The following EPRS1 variants were observed in gnomAD, a reference collection of about 807,000 sequenced individuals.
EPRS1 encodes bifunctional glutamate/proline--tRNA ligase.
In EPRS1, 107 loss-of-function variants were observed where a neutral mutation model predicts 188.3. That is an observed-to-expected ratio of 0.57 (90% confidence interval 0.49 to 0.67). EPRS1 has a LOEUF of 0.67. EPRS1 is among the 30% of genes least tolerant of loss of function. The pLI, the probability that EPRS1 is intolerant of heterozygous loss-of-function variation, is 0.00. For missense variants in EPRS1, 1,577 were observed against 1,802.2 expected (o/e 0.88, Z 2.26); for synonymous variants, 596 against 593.1 (o/e 1.00, Z -0.07).
At chr1:220,033,873 T>C (rs1662129232) in intron 3 of EPRS1, among the ~76,000 whole-genome samples, 1 of 104,162 alleles carries the variant, frequency 9.6e-6, no homozygotes, top group South Asian at 3.9e-4. Flanking sequence ...TTTGCTATGC[T>C]TTCTGCTTTT....
At position 220,030,430 on chromosome 1, in the gene EPRS1, C is replaced by T. The variant is rs754799431; in HGVS notation, c.579G>A (p.Ala193=). 51 of 1,613,988 alleles carry T rather than the reference C, an allele frequency of 3.2e-5. 1 individual carries two copies. Among genetic ancestry groups the T allele is most frequent in the Middle Eastern group, 3.3e-4 (2 of 6,084 alleles). Residue 193 remains alanine, a synonymous_variant, in exon 6 of 32, where the codon GCG becomes GCA. Coordinates refer to ENST00000366923, the MANE Select transcript of EPRS1 (RefSeq NM_004446.3). ...DVGKFVELPG[A]EMGKVTVRFP... ...ATCTGACGGTAACCTTTCCCATCTC[C>T]GCACCTGGAAGCTCAACAAATTTCC...
chr1:220,018,644 A>G, intron 11 of EPRS1, 136 bp from the exon 12 acceptor site: 3 of 674,028 alleles, frequency 4.5e-6, no homozygotes, highest in African/African-American at 1.8e-5. Context: ...GTGAAATATA[A>G]AACTCAGTGT....
At chr1:220,011,853 A>G (rs1220014721) in intron 12 of EPRS1, among the ~76,000 whole-genome samples, 1 of 152,238 alleles carries the variant, frequency 6.6e-6, no homozygotes, top group African/African-American at 2.4e-5. Flanking sequence ...ATGTTTAGAC[A>G]CTATATATAA....
In EPRS1 at chr1:220,020,165, G is replaced by C. The variant is rs1183352139; in HGVS notation, c.1172C>G (p.Thr391Arg). ...GTATTCTGTTGTTCTCAGGGCATGT[G>C]TAACACCTTCGATGCTGTCAACTAT... ...CPIVDSIEGVTHALRTTEYHD... is the reference protein window; with the variant it reads ...CPIVDSIEGVRHALRTTEYHD... Residue 391 changes from threonine (T) to arginine (R), a missense_variant, in exon 10 of 32, where the codon ACA becomes AGA. Transcript: ENST00000366923. The C allele has an allele frequency of 6.2e-7, 1 of 1,614,026 alleles. No homozygotes were observed. Among genetic ancestry groups the C allele is most frequent in the Non-Finnish European group, 8.5e-7 (1 of 1,179,962 alleles).
Position 219,983,221 on chromosome 1 carries a change from C to G in EPRS1, c.3268G>C (p.Glu1090Gln). The part of the protein sequence containing the change: ...MFVSQSALEK[E>Q]KTHVADFAPE... ...GCAAAGTCAGCAACATGAGTCTTCT[C>G]TTTCTCTAATGCACTTTGAGACACA... Residue 1090 changes from glutamate (E) to glutamine (Q), a missense_variant, in exon 22 of 32, where the codon GAG (glutamate) becomes CAG (glutamine). Transcript: ENST00000366923. The G allele has an allele frequency of 6.2e-7, 1 of 1,614,094 alleles. No homozygotes were observed. Among genetic ancestry groups the G allele is most frequent in the Non-Finnish European group, 8.5e-7 (1 of 1,179,946 alleles).
rs752020139 is a variant in EPRS1, at chr1:219,978,585, A to C, written c.4044T>G (p.Asn1348Lys). 6.3e-6 allele frequency: 10 copies of C among 1,593,494 alleles called. No homozygotes were observed. Among genetic ancestry groups the C allele is most frequent in the Non-Finnish European group, 8.6e-6 (10 of 1,168,338 alleles). Residue 1348 changes from asparagine (N) to lysine (K), a missense_variant, in exon 28 of 32, where the codon AAT becomes AAG. By Grantham distance (94) the Asn-to-Lys change is moderately conservative. Coordinates refer to ENST00000366923, the MANE Select transcript of EPRS1 (RefSeq NM_004446.3). ...NIRVRADLRD[N>K]YSPGWKFNHW... Reference sequence around the variant, plus strand: ...GATTGAATTTCCAACCTGGAGAATAATTATCTCGTAAATCAGCTCTAACGC... The same window carrying C: ...GATTGAATTTCCAACCTGGAGAATACTTATCTCGTAAATCAGCTCTAACGC...
Position 219,984,260 on chromosome 1 carries a change from G to A in EPRS1, c.3039-3C>T, listed in dbSNP as rs568513704. 7 of 1,609,804 alleles carry A rather than the reference G, an allele frequency of 4.3e-6. No individual in the cohort carries two copies. The African/African-American group carries it at 6.7e-5, about 15-fold the overall frequency. ...CTTTTTTTGCCTCAAGACCCAACCT[G>A]CAGATGTGAAAAGTAAAAGATAAAT... is the stretch of plus-strand genomic sequence containing the variant. On this transcript the variant is annotated splice_region_variant and splice_polypyrimidine_tract_variant and intron_variant, in intron 20 of 31. Transcript: ENST00000366923.
intron 19 of EPRS1, among the ~76,000 whole-genome samples, chr1:219,987,641 CA>C (rs1661031313): frequency 7.1e-6 from 1 of 141,580 alleles, no homozygotes; most frequent in Non-Finnish European, 1.5e-5. Context: ...AGTAGATCTG[CA>C]AACACAATTA....
At chr1:219,989,195 T>G (rs1661071581) in intron 18 of EPRS1, among the ~76,000 whole-genome samples, 1 of 152,032 alleles carries the variant, frequency 6.6e-6, no homozygotes. Context: ...CAAACCTTAC[T>G]TTCCACAGCT....
At chr1:219,969,159 CT>C in intron 30 of EPRS1, 37 bp from the exon 31 acceptor site, 1 of 1,352,534 alleles carries the variant, frequency 7.4e-7, no homozygotes, top group Non-Finnish European at 1.1e-6. Context: ...GTATTTATAA[CT>C]CCTTCAATTC....
At chr1:219,969,023 A>G (rs2102556459) in intron 31 of EPRS1, 35 bp downstream of exon 31, 5 of 1,612,470 alleles carry the variant, frequency 3.1e-6, no homozygotes, top group East Asian at 2.2e-5. Context: ...TTCCATTGCA[A>G]TTTTTCAAAA....
At chr1:219,978,958 ATATATATTTT>A (rs1407208580) in intron 27 of EPRS1, among the ~76,000 whole-genome samples, 5 of 68,414 alleles carry the variant, frequency 7.3e-5, no homozygotes, top group Admixed American at 1.6e-4. Context: ...ATATATATAT[ATATATATTTT>A]TTTTTCCCCC....
At chr1:220,008,584 T>C (rs1450508132) in intron 13 of EPRS1, among the ~76,000 whole-genome samples, 1 of 152,228 alleles carries the variant, frequency 6.6e-6, no homozygotes, top group Admixed American at 6.5e-5. Flanking sequence ...GGAAATGTTA[T>C]AATGAAAATT....
At chr1:220,035,046 C>T in intron 2 of EPRS1, 33 bp from the exon 3 acceptor site, 1 of 1,036,466 alleles carries the variant, frequency 9.6e-7, no homozygotes, top group Non-Finnish European at 1.4e-6. Flanking sequence ...AATATTACTG[C>T]TGCTCTAGCA....
chr1:220,017,932 C>T (rs989039058), intron 12 of EPRS1, among the ~76,000 whole-genome samples: 1 of 152,116 alleles, frequency 6.6e-6, no homozygotes, highest in Non-Finnish European at 1.5e-5. Flanking sequence ...AGAGTTATCC[C>T]AATATTCCCC....
intron 2 of EPRS1, 109 bp from the exon 3 acceptor site, chr1:220,035,122 T>C: frequency 1.7e-6 from 1 of 604,492 alleles, no homozygotes; most frequent in African/African-American, 1.9e-5. Flanking sequence ...TTACCATGTA[T>C]TTTCTACTAT....
chr1:219,969,311 T>TGTTATTAATTTCAGGGA, intron 30 of EPRS1, 189 bp from the exon 31 acceptor site: 1 of 588,118 alleles, frequency 1.7e-6, no homozygotes. Context: ...AAAGAATGTT[T>TGTTATTAATTTCAGGGA]TTCCACTATC....
Position 219,997,153 on chromosome 1 carries a change from ATTCAGCTTTCAAAGACAAAAGCTG to A in EPRS1, c.2347_2370del (p.Gln783_Glu790del), listed in dbSNP as rs761424435. On this transcript the variant is annotated inframe_deletion, in exon 18 of 32. Transcript: ENST00000366923. Reference sequence around the variant, plus strand: ...TATTCCTGGCCAGTTTTCTCCTTATATTCAGCTTTCAAAGACAAAAGCTGTTTTACAGCTGCATCTACATCTTCC... The same window carrying A: ...TATTCCTGGCCAGTTTTCTCCTTATATTTTACAGCTGCATCTACATCTTCC... 1.2e-6 allele frequency: 2 copies of A among 1,614,124 alleles called. No individual in the cohort carries two copies. Among genetic ancestry groups the A allele is most frequent in the African/African-American group, 2.7e-5 (2 of 75,064 alleles).
At chr1:220,023,333 C>T (rs745884361) in intron 8 of EPRS1, among the ~76,000 whole-genome samples, 1 of 152,134 alleles carries the variant, frequency 6.6e-6, no homozygotes, top group Non-Finnish European at 1.5e-5. Context: ...GGTTAGCCAC[C>T]TCTGAAAATG....
Sources: gnomAD v4.1 joint callset for allele counts (sites outside exome capture counted in the v4.1 genomes callset) on GRCh38, gnomAD v4.1.1 for gene constraint, MANE v1.5 for transcripts, NCBI Gene and HGNC (gene_info 2026-07-23, HGNC 2026-07-21) for gene names.